Variants in CYP4F8 observed in about 807,000 individuals in gnomAD.
CYP4F8 encodes the protein cytochrome P450 family 4 subfamily F member 8.
In CYP4F8, 56 loss-of-function variants were observed where a neutral mutation model predicts 55.0. The observed-to-expected ratio is 1.02, with a 90% CI of 0.82 to 1.27. The LOEUF (loss-of-function observed/expected upper bound fraction) is 1.27, where lower values mean the gene tolerates loss of function less well. Among genes scored for constraint, CYP4F8 ranks in the 50% most tolerant of loss-of-function variants. The pLI is 0.00. For synonymous variants in CYP4F8, 288 were observed against 267.3 expected (o/e 1.08, Z -0.76); for missense variants, 680 against 682.4 (o/e 1.00, Z 0.04).
Position 15,619,676 on chromosome 19 carries a change from C to T in CYP4F8, c.439C>T (p.His147Tyr), listed in dbSNP as rs745629596. 1.9e-6 allele frequency: 3 copies of T among 1,614,194 alleles called. No individual in the cohort carries two copies. The highest frequency in any genetic ancestry group is 2.5e-6 in the Non-Finnish European group (3 of 1,180,036). ...LLSVGDKWRH[H>Y]RRLLTPAFHF... The stretch of plus-strand genomic sequence containing the variant: ...AAGTGTTGGTGACAAGTGGAGACAC[C>T]ACCGTCGCTTGCTGACGCCTGCCTT... Residue 147 changes from histidine (H) to tyrosine (Y), a missense_variant, in exon 5 of 13, where the codon CAC becomes TAC. Physicochemically the swap from His to Tyr is moderately conservative, Grantham distance 83 (BLOSUM62 2). Transcript: ENST00000612078.
chr19:15,624,223 G>A (rs1227321010), intron 9 of CYP4F8, 129 bp downstream of exon 9: 1 of 1,450,018 alleles, frequency 6.9e-7, no homozygotes, highest in Non-Finnish European at 9.2e-7. Context: ...GTGGGAATAG[G>A]AGTAGAGCCC....
intron 9 of CYP4F8, 95 bp from the exon 10 acceptor site, chr19:15,628,207 T>C (rs1972285674): frequency 6.5e-7 from 1 of 1,543,964 alleles, no homozygotes; most frequent in African/African-American, 1.4e-5. Flanking sequence ...AATTTTGTTA[T>C]AGGACTGAGG....
chr19:15,621,943 G>T, intron 5 of CYP4F8: 1 of 309,630 alleles, frequency 3.2e-6, no homozygotes, highest in Non-Finnish European at 5.9e-6. Context: ...TTGCTATTGA[G>T]GATTTGACAG....
intron 9 of CYP4F8, chr19:15,627,538 T>C (rs1347795271): frequency 1.3e-5 from 2 of 151,964 alleles, no homozygotes; most frequent in Admixed American, 6.6e-5. Flanking sequence ...TAGAATAAGA[T>C]TTCAAAGTTC....
rs1459323183 is a variant in CYP4F8 at position 15,629,575 on chromosome 19, A to T, written c.*217A>T. ...ATACTCACTGCCTCTCTGGGTGAGC[A>T]CAGGAGCCCCGTGCTGAGGGTGGGA... On this transcript the variant is annotated 3_prime_UTR_variant, in exon 13 of 13. Transcript: ENST00000612078. 3 of 575,724 alleles carry T rather than the reference A, an allele frequency of 5.2e-6. No homozygotes were observed. Among genetic ancestry groups the T allele is most frequent in the Admixed American group, 3.8e-5 (1 of 26,360 alleles). The allele number at this position is 575,724 out of a possible 1,614,324, so 35.7% of individuals were successfully genotyped here.
intron 9 of CYP4F8, 34 bp downstream of exon 9, chr19:15,624,128 CCTTT>C: frequency 1.2e-6 from 2 of 1,605,274 alleles, no homozygotes; most frequent in Non-Finnish European, 1.7e-6. Context: ...TGCCTTTCTG[CCTTT>C]CTGAGTCCTT....
chr19:15,630,369 C>T lies in CYP4F8; in HGVS notation c.*1011C>T, dbSNP rs1599866371. 1 of 152,076 alleles carries T rather than the reference C, an allele frequency of 6.6e-6. No individual in the cohort carries two copies. Among genetic ancestry groups the T allele is most frequent in the African/African-American group, 2.4e-5 (1 of 41,390 alleles). 9.4% of individuals were successfully genotyped at this position (152,076 alleles called of 1,614,324 possible). A position where few individuals can be genotyped will look rare whatever the true frequency, so the allele number is the denominator to read the frequency against. The stretch of plus-strand genomic sequence containing the variant: ...GATCTGTTGTTCCCATCTTTATTAC[C>T]ATGTGTATCCAATGCATACCTCCCA... On this transcript the variant is annotated 3_prime_UTR_variant, in exon 13 of 13. Coordinates refer to ENST00000612078, the MANE Select transcript of CYP4F8 (RefSeq NM_007253.4).
At chr19:15,616,138 C>T (rs112845252) in intron 2 of CYP4F8, among the ~76,000 whole-genome samples, 2 of 145,036 alleles carry the variant, frequency 1.4e-5, no homozygotes, top group Non-Finnish European at 3.0e-5. Context: ...CCTCTCCTCA[C>T]TCACTCATTC....
At chr19:15,619,946 T>C (rs1476248145) in intron 5 of CYP4F8, among the ~76,000 whole-genome samples, 184 bp downstream of exon 5, 1 of 152,154 alleles carries the variant, frequency 6.6e-6, no homozygotes, top group Non-Finnish European at 1.5e-5. Flanking sequence ...AATGGACTCA[T>C]GTCTCTGACA....
chr19:15,620,458 G>C (rs1457531006), intron 5 of CYP4F8, among the ~76,000 whole-genome samples: 1 of 152,088 alleles, frequency 6.6e-6, no homozygotes, highest in African/African-American at 2.4e-5. Context: ...GAGTGCAGTG[G>C]TGCGATCTTG....
chr19:15,617,538 C>T (rs1252084195), intron 2 of CYP4F8, among the ~76,000 whole-genome samples: 1 of 151,610 alleles, frequency 6.6e-6, no homozygotes, highest in African/African-American at 2.4e-5. Flanking sequence ...ATCTATCAGT[C>T]CGTCTGTCTG....
intron 2 of CYP4F8, 104 bp from the exon 3 acceptor site, chr19:15,617,896 C>T: frequency 7.2e-7 from 1 of 1,393,186 alleles, no homozygotes. Context: ...TCTCCTGAAA[C>T]ACTCTCACAG....
Position 15,629,465 on chromosome 19 carries a change from G to A in CYP4F8, c.*107G>A, listed in dbSNP as rs2283605. The A allele has an allele frequency of 0.73, 1,034,174 of 1,409,660 alleles. 380,147 individuals are homozygous for A. Among genetic ancestry groups the A allele is most frequent in the Admixed American group, 0.77 (25,590 of 33,278 alleles). 87.3% of individuals were successfully genotyped at this position (1,409,660 alleles called of 1,614,324 possible). On this transcript the variant is annotated 3_prime_UTR_variant, in exon 13 of 13. Coordinates refer to ENST00000612078, the MANE Select transcript of CYP4F8 (RefSeq NM_007253.4). ...GTGTTGGCCCCTGTGCCTCAGTCCC[G>A]CGGATGGCCAGTAGGGGGCGCTGGA...
rs764863798 is a variant in CYP4F8, at chr19:15,629,408, A to T, written c.*50A>T. On this transcript the variant is annotated 3_prime_UTR_variant, in exon 13 of 13. Coordinates refer to ENST00000612078, the MANE Select transcript of CYP4F8 (RefSeq NM_007253.4). ...CCTTTGCATCACCTACCTTTGCACC[A>T]ACTACCTTTTCAGATTTCCGGTAAT... The T allele has an allele frequency of 5.2e-6, 8 of 1,527,248 alleles. No individual in the cohort carries two copies. The African/African-American group carries it at 5.5e-5, about 11-fold the overall frequency. The allele number at this position is 1,527,248 out of a possible 1,614,324, so 94.6% of individuals were successfully genotyped here. A position where few individuals can be genotyped will look rare whatever the true frequency, so the allele number is the denominator to read the frequency against.
chr19:15,622,064 C>T (rs1972200587), intron 5 of CYP4F8, 155 bp from the exon 6 acceptor site: 2 of 959,178 alleles, frequency 2.1e-6, no homozygotes, highest in Non-Finnish European at 3.0e-6. Context: ...GTAACAGCTT[C>T]CACTCTCACC....
At chr19:15,615,575 TA>T in intron 1 of CYP4F8, 40 bp from the exon 2 acceptor site, 1 of 1,600,134 alleles carries the variant, frequency 6.2e-7, no homozygotes, top group Non-Finnish European at 8.5e-7. Flanking sequence ...GCCCCTTTCC[TA>T]GGCCTCAGGA....
At chr19:15,615,476 C>G in intron 1 of CYP4F8, 140 bp from the exon 2 acceptor site, 3 of 939,040 alleles carry the variant, frequency 3.2e-6, no homozygotes, top group Admixed American at 3.1e-5. Flanking sequence ...CTCCTCTCCC[C>G]TCTCCCTTGG....
Position 15,628,512 on chromosome 19 carries a change from G to C in CYP4F8, c.1250-19G>C. On this transcript the variant is annotated intron_variant, in intron 10 of 12. Transcript: ENST00000612078. The stretch of plus-strand genomic sequence containing the variant: ...AGGCAGCTCGGACCTTGTTCTTACT[G>C]TCCTCTCCTGCACGACAGGGAATGT... 1 of 1,613,646 alleles carries C rather than the reference G, an allele frequency of 6.2e-7. No homozygotes were observed. The highest frequency in any genetic ancestry group is 8.5e-7 in the Non-Finnish European group (1 of 1,179,728).
Position 15,615,769 on chromosome 19 carries a change from C to G in CYP4F8, c.153C>G (p.Phe51Leu), listed in dbSNP as rs367707274. The G allele has an allele frequency of 2.3e-5, 37 of 1,613,812 alleles. No homozygotes were observed. The highest frequency in any genetic ancestry group is 3.0e-5 in the Non-Finnish European group (35 of 1,179,896). ...FYHNGRRLRCFPQPRKQNWFL... is the reference protein window; with the variant it reads ...FYHNGRRLRCLPQPRKQNWFL... ...ACAACGGCCGCCGCCTCCGGTGTTT[C>G]CCGCAGCCCCGGAAACAGAACTGGT... The change falls in exon 2 of 13, where the codon TTC becomes TTG. Residue 51 changes from phenylalanine (F) to leucine (L), a missense_variant. Phe to Leu is a conservative substitution (Grantham distance 22). Transcript: ENST00000612078.
Sources: allele counts gnomAD v4.1 joint callset (sites outside exome capture counted in the v4.1 genomes callset), GRCh38; gene constraint gnomAD v4.1.1; transcripts MANE v1.5; gene names NCBI Gene and HGNC (gene_info 2026-07-23, HGNC 2026-07-21).